COL4A5: variants seen among roughly 807,000 people sequenced by gnomAD.
The protein encoded by COL4A5 is collagen type IV alpha 5 chain.
In COL4A5, 26 loss-of-function variants were observed where a neutral mutation model predicts 130.2. That is an observed-to-expected ratio of 0.20 (90% CI 0.15 to 0.28). The LOEUF (loss-of-function observed/expected upper bound fraction) is 0.28, where lower values mean the gene tolerates loss of function less well. Ranked by LOEUF, COL4A5 falls within the 10% of genes least tolerant of loss-of-function variation. The pLI is 1.00. For synonymous variants in COL4A5, 496 were observed against 439.6 expected, an observed-to-expected ratio of 1.13 and a Z score of -1.60; for missense variants, 1,131 against 1,344.3, an observed-to-expected ratio of 0.84 and a Z score of 2.48.
Position 108,695,447 on chromosome X carries a change from G to T in COL4A5, c.4994+8G>T, listed in dbSNP as rs1160473993. Reference sequence around the variant, plus strand: ...TGTGTCAGACATGTTCAGGTAAAGTGCTTATAGCTTTAATTCAGGTCCAAA... The same window carrying T: ...TGTGTCAGACATGTTCAGGTAAAGTTCTTATAGCTTTAATTCAGGTCCAAA... On this transcript the variant is annotated splice_region_variant and intron_variant, in intron 52 of 52. Transcript: ENST00000328300. The T allele has an allele frequency of 8.3e-7, 1 of 1,208,800 alleles. No individual in the cohort carries two copies.
intron 1 of COL4A5, among the ~76,000 whole-genome samples, chrX:108,486,215 ACT>A (rs1008333350): frequency 9.1e-6 from 1 of 110,287 alleles, no homozygotes; most frequent in African/African-American, 3.3e-5. Flanking sequence ...GTGATTCAAG[ACT>A]CTTTTCTACC....
intron 29 of COL4A5, among the ~76,000 whole-genome samples, chrX:108,608,059 G>A (rs1042971963): frequency 9.0e-6 from 1 of 111,251 alleles, no homozygotes; most frequent in African/African-American, 3.3e-5. Flanking sequence ...TTTCAGATGT[G>A]TTCAGGTATA....
At chrX:108,580,633 G>T (rs762556091) in intron 14 of COL4A5, 47 bp downstream of exon 14, 19 of 1,190,861 alleles carry the variant, frequency 1.6e-5, no homozygotes, top group Non-Finnish European at 2.1e-5. Flanking sequence ...AATTGGTATT[G>T]GTACACAGTA....
At chrX:108,604,005 A>C (rs1298878697) in intron 28 of COL4A5, among the ~76,000 whole-genome samples, 1 of 111,732 alleles carries the variant, frequency 8.9e-6, no homozygotes, top group Non-Finnish European at 1.9e-5. Context: ...TCTACTTATA[A>C]TTGTTGTTCT....
At chrX:108,609,867 T>C (rs1378072359) in intron 29 of COL4A5, among the ~76,000 whole-genome samples, 1 of 110,789 alleles carries the variant, frequency 9.0e-6, no homozygotes, top group Non-Finnish European at 1.9e-5. Flanking sequence ...CCTGTTTTAT[T>C]TATTTATTTT....
intron 29 of COL4A5, among the ~76,000 whole-genome samples, chrX:108,614,330 A>G (rs2066887633): frequency 9.0e-6 from 1 of 111,690 alleles, no homozygotes; most frequent in Admixed American, 9.6e-5. Context: ...CTATGTCTTG[A>G]TTTTAGTGGT....
chrX:108,638,887 C>T (rs774190387), intron 36 of COL4A5, among the ~76,000 whole-genome samples: 118 of 111,529 alleles, frequency 1.1e-3, no homozygotes, highest in African/African-American at 3.4e-3. Flanking sequence ...AAGACTTGTG[C>T]TCTGAAGACT....
intron 36 of COL4A5, among the ~76,000 whole-genome samples, chrX:108,629,879 A>G (rs909917601): frequency 5.4e-5 from 6 of 110,290 alleles, no homozygotes; most frequent in Non-Finnish European, 9.5e-5. Context: ...TCATTGTTCA[A>G]TTCCCACCTA....
chrX:108,543,716 G>A (rs1441171306), intron 2 of COL4A5, among the ~76,000 whole-genome samples: 4 of 111,748 alleles, frequency 3.6e-5, no homozygotes, highest in Non-Finnish European at 3.8e-5. Context: ...CCATTTTCAC[G>A]ATATTGATTC....
chrX:108,557,061 A>G (rs912332727), intron 2 of COL4A5, among the ~76,000 whole-genome samples: 1 of 111,618 alleles, frequency 9.0e-6, no homozygotes, highest in Non-Finnish European at 1.9e-5. Flanking sequence ...TGTAGGCGAG[A>G]TAGCAGTTTT....
chrX:108,535,340 T>A (rs1432725229), intron 1 of COL4A5, among the ~76,000 whole-genome samples: 1 of 111,705 alleles, frequency 9.0e-6, no homozygotes, highest in Non-Finnish European at 1.9e-5. Context: ...TTTTGGCTTT[T>A]GCTTATGGTT....
chrX:108,494,687 C>T (rs938571884), intron 1 of COL4A5, among the ~76,000 whole-genome samples: 2 of 110,573 alleles, frequency 1.8e-5, no homozygotes, highest in Non-Finnish European at 3.8e-5. Context: ...AACACTGAGT[C>T]ACTCACAAGT....
At chrX:108,535,948 T>C (rs2065451427) in intron 1 of COL4A5, among the ~76,000 whole-genome samples, 1 of 110,807 alleles carries the variant, frequency 9.0e-6, no homozygotes, top group Non-Finnish European at 1.9e-5. Context: ...GTAGTATGTG[T>C]CTCCTTGGAA....
intron 1 of COL4A5, among the ~76,000 whole-genome samples, chrX:108,489,444 T>C (rs2064976244): frequency 8.9e-6 from 1 of 112,102 alleles, no homozygotes; most frequent in Non-Finnish European, 1.9e-5. Context: ...TCTGGAGCTT[T>C]GCATATATTT....
chrX:108,465,951 A>G (rs2064701787), intron 1 of COL4A5, among the ~76,000 whole-genome samples: 1 of 111,304 alleles, frequency 9.0e-6, no homozygotes, highest in Admixed American at 9.6e-5. Context: ...GAAACCATCA[A>G]TCTGCATTCT....
chrX:108,636,194 C>A (rs1044993253), intron 36 of COL4A5, among the ~76,000 whole-genome samples: 19 of 111,495 alleles, frequency 1.7e-4, no homozygotes, highest in African/African-American at 5.5e-4. Context: ...AATCTGGACC[C>A]CTATCTCATA....
chrX:108,576,261 A>G (rs2066149114), intron 10 of COL4A5, among the ~76,000 whole-genome samples: 1 of 111,958 alleles, frequency 8.9e-6, no homozygotes. Flanking sequence ...TGGCCATTTC[A>G]GAAAGTCTTT....
At chrX:108,543,893 G>T (rs185047423) in intron 2 of COL4A5, among the ~76,000 whole-genome samples, 2 of 111,681 alleles carry the variant, frequency 1.8e-5, no homozygotes, top group Non-Finnish European at 3.8e-5. Flanking sequence ...GTTCACTCAT[G>T]ATTTGGCTCT....
At chrX:108,446,904 C>T (rs1483381051) in intron 1 of COL4A5, among the ~76,000 whole-genome samples, 2 of 111,551 alleles carry the variant, frequency 1.8e-5, no homozygotes, top group Non-Finnish European at 3.8e-5. Flanking sequence ...CTGCCTAGGC[C>T]GTTCATCCTT....
Sources: gnomAD v4.1 joint callset for allele counts (sites outside exome capture counted in the v4.1 genomes callset) on GRCh38, gnomAD v4.1.1 for gene constraint, MANE v1.5 for transcripts, NCBI Gene and HGNC (gene_info 2026-07-23, HGNC 2026-07-21) for gene names.